Variants in FETUB observed in about 807,000 individuals in gnomAD.
The protein encoded by FETUB is fetuin-B.
Under a neutral mutation model 30.9 loss-of-function variants are expected in FETUB, and 28 were observed. That is an observed-to-expected ratio of 0.90 (90% CI 0.67 to 1.24). The LOEUF (loss-of-function observed/expected upper bound fraction) is 1.24, where lower values mean the gene tolerates loss of function less well. Ranked by LOEUF, FETUB falls within the 50% of genes most tolerant of loss-of-function variation. FETUB has a pLI of 0.00. For missense variants in FETUB, 469 were observed against 455.3 expected (o/e 1.03, Z -0.27); for synonymous variants, 186 against 175.9 (o/e 1.06, Z -0.45).
At chr3:186,636,572 T>C (rs886985547), upstream of FETUB, among the ~76,000 whole-genome samples, 2 of 152,160 alleles carry the variant, frequency 1.3e-5, no homozygotes, top group Admixed American at 6.5e-5. Flanking sequence ...TTGATTTTTT[T>C]CCACACATTG....
At position 186,645,788 on chromosome 3, in the gene FETUB, G is replaced by A. The variant is rs866894552; in HGVS notation, c.595-460G>A. Among the ~76,000 whole-genome samples, 4 of 140,508 alleles carry A rather than the reference G, an allele frequency of 2.8e-5. No homozygotes were observed. The Middle Eastern group carries it at 0.014, about 502-fold the overall frequency. 92.2% of individuals were successfully genotyped at this position (140,508 alleles called of 152,430 possible). A position where few individuals can be genotyped will look rare whatever the true frequency, so the allele number is the denominator to read the frequency against. ...TATCGCTAGGATAGAGTGCTGTGGC[G>A]CGATCTTGGCTCACTGCAACCTCCA... On this transcript the variant is annotated intron_variant, in intron 4 of 6. Transcript: ENST00000265029.
chr3:186,649,243 G>A (rs1014446082), intron 5 of FETUB, among the ~76,000 whole-genome samples: 1 of 151,374 alleles, frequency 6.6e-6, no homozygotes, highest in Admixed American at 6.6e-5. Flanking sequence ...TACTTTAATG[G>A]CTTTTCCCAC....
At chr3:186,649,585 C>A (rs565901646) in intron 5 of FETUB, among the ~76,000 whole-genome samples, 1 of 152,160 alleles carries the variant, frequency 6.6e-6, no homozygotes, top group East Asian at 1.9e-4. Flanking sequence ...ATTCTCCTGC[C>A]TCAACAACCC....
At position 186,640,441 on chromosome 3, in the gene FETUB, T is replaced by A; in HGVS notation, c.-20T>A. On this transcript the variant is annotated 5_prime_UTR_variant, in exon 1 of 7. Transcript: ENST00000265029. The stretch of plus-strand genomic sequence containing the variant: ...TGCAGCTCCACAAACTGACCCATCC[T>A]GGGCCTTGTTCTCCACAGAATGGGT... The A allele has an allele frequency of 6.2e-7, 1 of 1,602,964 alleles. No individual in the cohort carries two copies. Among genetic ancestry groups the A allele is most frequent in the Non-Finnish European group, 8.5e-7 (1 of 1,169,924 alleles).
intron 5 of FETUB, 49 bp downstream of exon 5, chr3:186,646,398 C>CT: frequency 7.4e-7 from 1 of 1,356,766 alleles, no homozygotes; most frequent in Non-Finnish European, 1.1e-6. Context: ...CAGATCATCT[C>CT]TAAGTGTTTG....
chr3:186,651,383 T>C, intron 6 of FETUB, 82 bp downstream of exon 6: 1 of 937,562 alleles, frequency 1.1e-6, no homozygotes, highest in East Asian at 2.6e-5. Flanking sequence ...TACCCCCTCC[T>C]TTGATTTTCC....
chr3:186,649,796 C>A (rs1717851761), intron 5 of FETUB, among the ~76,000 whole-genome samples: 1 of 152,212 alleles, frequency 6.6e-6, no homozygotes, highest in African/African-American at 2.4e-5. Flanking sequence ...TCCCTCACCA[C>A]CCTCTCACCT....
chr3:186,640,394 G>A, upstream of FETUB: 1 of 1,273,642 alleles, frequency 7.9e-7, no homozygotes. Flanking sequence ...GCCTTAAAGA[G>A]CCTTACAAGC....
In FETUB at chr3:186,646,373, T is replaced by C. The variant is rs551036685; in HGVS notation, c.696+24T>C. The stretch of plus-strand genomic sequence containing the variant: ...TGGTGAGTTTTCCTGAATGTCTTCA[T>C]AATTTGAGTGTTCACAGATCATCTC... On this transcript the variant is annotated intron_variant, in intron 5 of 6. Transcript: ENST00000265029. 4.6e-6 allele frequency: 7 copies of C among 1,514,778 alleles called. No homozygotes were observed. In the East Asian group the frequency reaches 1.6e-4, roughly 34 times the overall value. The allele number at this position is 1,514,778 out of a possible 1,614,324, so 93.8% of individuals were successfully genotyped here. A position where few individuals can be genotyped will look rare whatever the true frequency, so the allele number is the denominator to read the frequency against.
chr3:186,652,250 G>A lies in FETUB; in HGVS notation c.781-13G>A, dbSNP rs745492801. 1 of 1,533,548 alleles carries A rather than the reference G, an allele frequency of 6.5e-7. No individual in the cohort carries two copies. The highest frequency in any genetic ancestry group is 1.4e-5 in the African/African-American group (1 of 72,078). The allele number at this position is 1,533,548 out of a possible 1,614,324, so 95.0% of individuals were successfully genotyped here. A position where few individuals can be genotyped will look rare whatever the true frequency, so the allele number is the denominator to read the frequency against. ...CCTGTGGAACTCTACATTCAAAAAT[G>A]TTCTCATTCCAGGCTCCAGCCACTG... On this transcript the variant is annotated splice_polypyrimidine_tract_variant and intron_variant, in intron 6 of 6. Transcript: ENST00000265029.
At chr3:186,652,198 G>A in intron 6 of FETUB, 65 bp from the exon 7 acceptor site, 1 of 1,503,830 alleles carries the variant, frequency 6.6e-7, no homozygotes, top group Non-Finnish European at 8.9e-7. Context: ...ATCAGCTTAG[G>A]CTGGTACTAG....
At chr3:186,637,907 A>G (rs1326750240), upstream of FETUB, among the ~76,000 whole-genome samples, 1 of 152,242 alleles carries the variant, frequency 6.6e-6, no homozygotes, top group African/African-American at 2.4e-5. Context: ...TGAGGCTCCC[A>G]AGAGCTAGAC....
At chr3:186,646,372 A>G in intron 5 of FETUB, 23 bp downstream of exon 5, 1 of 1,522,534 alleles carries the variant, frequency 6.6e-7, no homozygotes, top group Non-Finnish European at 9.1e-7. Context: ...GAATGTCTTC[A>G]TAATTTGAGT....
intron 4 of FETUB, 105 bp downstream of exon 4, chr3:186,645,025 C>T (rs561960451): frequency 1.2e-6 from 1 of 838,374 alleles, no homozygotes; most frequent in South Asian, 2.0e-5. Context: ...TTGATTAGAA[C>T]CAAAATACCT....
chr3:186,637,084 A>AATG (rs1716797850), upstream of FETUB, among the ~76,000 whole-genome samples: 1 of 152,138 alleles, frequency 6.6e-6, no homozygotes, highest in Non-Finnish European at 1.5e-5. Flanking sequence ...TTATCTGTAC[A>AATG]ATGGGAATAA....
Position 186,652,651 on chromosome 3 carries a change from G to GT in FETUB, c.*21dup. 6.3e-7 allele frequency: 1 copy of GT among 1,584,352 alleles called. No individual in the cohort carries two copies. Among genetic ancestry groups the GT allele is most frequent in the Non-Finnish European group, 8.6e-7 (1 of 1,167,696 alleles). ...CCATGAGAATCACACAGAGTCTTCT[G>GT]TAGGGGTATGGTGCGCCGCATGACA... On this transcript the variant is annotated 3_prime_UTR_variant, in exon 7 of 7. Transcript: ENST00000265029.
chr3:186,640,723 G>C (rs990231650), intron 1 of FETUB, 38 bp downstream of exon 1: 23 of 1,554,454 alleles, frequency 1.5e-5, no homozygotes, highest in Admixed American at 5.0e-5. Context: ...GCAGGGATGT[G>C]GGCAAGCTGG....
At chr3:186,651,119 A>C (rs1478434715) in intron 5 of FETUB, 99 bp from the exon 6 acceptor site, 1 of 774,940 alleles carries the variant, frequency 1.3e-6, no homozygotes, top group Non-Finnish European at 2.3e-6. Context: ...AGAAGCATAA[A>C]AATGTTGATT....
rs1411401167 is a variant in FETUB at position 186,652,799 on chromosome 3, A to C, written c.*168A>C. 3.8e-6 allele frequency: 3 copies of C among 786,280 alleles called. No individual in the cohort carries two copies. The highest frequency in any genetic ancestry group is 5.8e-6 in the Non-Finnish European group (3 of 512,838). The allele number at this position is 786,280 out of a possible 1,614,324, so 48.7% of individuals were successfully genotyped here. A position where few individuals can be genotyped will look rare whatever the true frequency, so the allele number is the denominator to read the frequency against. On this transcript the variant is annotated 3_prime_UTR_variant, in exon 7 of 7. Transcript: ENST00000265029. ...ACTGGGATTGGAAATAATGAGACTG[A>C]GCCCTCGGCTTGGGCTGCACTCTAC...
Sources: gnomAD v4.1 joint callset for allele counts (sites outside exome capture counted in the v4.1 genomes callset) on GRCh38, gnomAD v4.1.1 for gene constraint, MANE v1.5 for transcripts, NCBI Gene and HGNC (gene_info 2026-07-23, HGNC 2026-07-21) for gene names.